ST14: variants seen among roughly 807,000 people sequenced by gnomAD.
ST14 encodes the protein ST14 transmembrane serine protease matriptase.
ST14 carries 40 observed loss-of-function variants against 96.5 expected under a neutral mutation model. The observed-to-expected ratio is 0.41, with a 90% confidence interval of 0.32 to 0.54. The LOEUF (loss-of-function observed/expected upper bound fraction) is 0.54, where lower values mean the gene tolerates loss of function less well. Ranked by LOEUF, ST14 falls within the 20% of genes least tolerant of loss-of-function variation. The pLI, the probability that ST14 is intolerant of heterozygous loss-of-function variation, is 0.17. For missense variants in ST14, 1,066 were observed against 1,188.9 expected (o/e 0.90, Z 1.52); for synonymous variants, 506 against 492.1 (o/e 1.03, Z -0.37).
At chr11:130,180,912 A>G (rs1334554093) in intron 1 of ST14, among the ~76,000 whole-genome samples, 1 of 152,156 alleles carries the variant, frequency 6.6e-6, no homozygotes, top group Non-Finnish European at 1.5e-5. Flanking sequence ...ACAATGAGAT[A>G]AGATGAAATA....
intron 1 of ST14, among the ~76,000 whole-genome samples, chr11:130,184,378 G>T (rs1004896209): frequency 2.0e-5 from 3 of 152,200 alleles, no homozygotes; most frequent in Non-Finnish European, 4.4e-5. Flanking sequence ...GGAGAGAAAA[G>T]ATGACAGCTA....
At position 130,194,136 on chromosome 11, in the gene ST14, T is replaced by A. The variant is rs756593619; in HGVS notation, c.876-13T>A. 47 of 1,614,144 alleles carry A rather than the reference T, an allele frequency of 2.9e-5. No homozygotes were observed. In the South Asian group the frequency reaches 5.1e-4, roughly 17 times the overall value. ...TGTCTGCTCTTCCTAATGCCCGCCCTCTGCCCCCACAGGTTGTGTGGCACC... is the reference window on the plus strand; with the variant it reads ...TGTCTGCTCTTCCTAATGCCCGCCCACTGCCCCCACAGGTTGTGTGGCACC... On this transcript the variant is annotated splice_polypyrimidine_tract_variant and intron_variant, in intron 7 of 18. Coordinates refer to ENST00000278742, the MANE Select transcript of ST14 (RefSeq NM_021978.4).
chr11:130,209,133 A>G (rs762377371), intron 17 of ST14, among the ~76,000 whole-genome samples: 1 of 152,158 alleles, frequency 6.6e-6, no homozygotes, highest in African/African-American at 2.4e-5. Flanking sequence ...TACAGCTCCA[A>G]TGCCCTCACA....
intron 8 of ST14, 149 bp from the exon 9 acceptor site, chr11:130,194,491 C>A: frequency 1.8e-6 from 2 of 1,120,468 alleles, no homozygotes; most frequent in Non-Finnish European, 2.6e-6. Context: ...GCTTCGGCAC[C>A]CGGCACCTGG....
intron 7 of ST14, 131 bp from the exon 8 acceptor site, chr11:130,194,018 C>T (rs1450249800): frequency 1.1e-4 from 129 of 1,174,544 alleles, no homozygotes; most frequent in Non-Finnish European, 4.7e-5. Context: ...TGACTCCATT[C>T]TTGGCCTCTG....
At chr11:130,170,640 A>C (rs1175916242) in intron 1 of ST14, among the ~76,000 whole-genome samples, 2 of 151,774 alleles carry the variant, frequency 1.3e-5, no homozygotes, top group Admixed American at 6.6e-5. Context: ...CCGAGCAGGC[A>C]GATGGGTTCC....
chr11:130,169,686 G>A (rs907896944), intron 1 of ST14, among the ~76,000 whole-genome samples: 3 of 152,154 alleles, frequency 2.0e-5, no homozygotes, highest in Non-Finnish European at 4.4e-5. Context: ...GTTTTATGAG[G>A]TGTGACTATT....
Position 130,188,736 on chromosome 11 carries a change from C to T in ST14, c.369+79C>T. On this transcript the variant is annotated intron_variant, in intron 3 of 18. Coordinates refer to ENST00000278742, the MANE Select transcript of ST14 (RefSeq NM_021978.4). This position sits in a 1 kb window ranked among gnomAD's most constrained non-coding sequence, Gnocchi z 5.4. The stretch of plus-strand genomic sequence containing the variant: ...TGCTGGGCAGGAGGGACATGCCTCG[C>T]CTGTGCTCCCAGGGCCCTGGGATGG... The T allele has an allele frequency of 5.6e-6, 9 of 1,611,812 alleles. No individual in the cohort carries two copies. The highest frequency in any genetic ancestry group is 7.6e-6 in the Non-Finnish European group (9 of 1,178,554).
chr11:130,205,078 A>G (rs1953472108), intron 16 of ST14, among the ~76,000 whole-genome samples: 1 of 152,148 alleles, frequency 6.6e-6, no homozygotes, highest in Non-Finnish European at 1.5e-5. Context: ...AAATTTTTCA[A>G]ACCTACAAAA....
chr11:130,180,049 G>T (rs1042494352), intron 1 of ST14, among the ~76,000 whole-genome samples: 1 of 152,192 alleles, frequency 6.6e-6, no homozygotes, highest in Non-Finnish European at 1.5e-5. Flanking sequence ...CCTGGTGGGG[G>T]TGATGACATC....
chr11:130,174,867 C>A (rs1565619334), intron 1 of ST14, among the ~76,000 whole-genome samples: 1 of 152,216 alleles, frequency 6.6e-6, no homozygotes, highest in Non-Finnish European at 1.5e-5. Flanking sequence ...CCAGCCCAGA[C>A]TTTTTTTGTC....
chr11:130,206,458 C>T (rs1330270025), intron 16 of ST14, among the ~76,000 whole-genome samples: 1 of 151,298 alleles, frequency 6.6e-6, no homozygotes, highest in Non-Finnish European at 1.5e-5. Flanking sequence ...GTGATTCTCA[C>T]ATTGTTGATT....
rs1234536138 is a variant in ST14 at position 130,187,349 on chromosome 11, AC to A, written c.82-762del. Reference sequence around the variant, plus strand: ...CGTATTCTGGCCCCTCATCATGGATACCCTTGGCAGGGAGGAACCCGGGGAA... The same window carrying A: ...CGTATTCTGGCCCCTCATCATGGATACCTTGGCAGGGAGGAACCCGGGGAA... On this transcript the variant is annotated intron_variant, in intron 1 of 18. Transcript: ENST00000278742. The surrounding 1 kb of genome is among the most constrained non-coding windows in gnomAD (Gnocchi z 4.5). Among the ~76,000 whole-genome samples, 1 of 152,016 alleles carries A rather than the reference AC, an allele frequency of 6.6e-6. No individual in the cohort carries two copies. The highest frequency in any genetic ancestry group is 1.5e-5 in the Non-Finnish European group (1 of 68,006).
Position 130,196,303 on chromosome 11 carries a change from G to A in ST14, c.1114-36G>A, listed in dbSNP as rs996832643. On this transcript the variant is annotated intron_variant, in intron 9 of 18. Transcript: ENST00000278742. ...TCCTCAGGTTCAGGGAGGAGGGAGG[G>A]GAACTGCACATTCCCAGCAGCCTCT... 2.6e-6 allele frequency: 4 copies of A among 1,519,032 alleles called. No individual in the cohort carries two copies. The South Asian group carries it at 3.6e-5, about 14-fold the overall frequency. The allele number at this position is 1,519,032 out of a possible 1,614,324, so 94.1% of individuals were successfully genotyped here.
chr11:130,172,330 T>C (rs1360637023), intron 1 of ST14, among the ~76,000 whole-genome samples: 1 of 151,078 alleles, frequency 6.6e-6, no homozygotes, highest in African/African-American at 2.4e-5. Context: ...TGTCTCAAAC[T>C]CCAGGGCTCA....
chr11:130,176,411 CAG>C (rs754400086), intron 1 of ST14, among the ~76,000 whole-genome samples: 4 of 150,496 alleles, frequency 2.7e-5, no homozygotes, highest in Non-Finnish European at 5.9e-5. Flanking sequence ...TTTTTTCAGA[CAG>C]AGTCTCGCTG....
Position 130,209,879 on chromosome 11 carries a change from T to C in ST14, c.*56T>C, listed in dbSNP as rs1180449179. On this transcript the variant is annotated 3_prime_UTR_variant, in exon 19 of 19. Coordinates refer to ENST00000278742, the MANE Select transcript of ST14 (RefSeq NM_021978.4). ...CGGGGCCACCCATCGTCCACCCCAG[T>C]GTGCACGCCTGCAGGCTGGAGACTG... The C allele has an allele frequency of 1.9e-6, 3 of 1,596,104 alleles. No homozygotes were observed. Among genetic ancestry groups the C allele is most frequent in the Non-Finnish European group, 2.6e-6 (3 of 1,172,208 alleles).
chr11:130,169,570 G>A (rs937504654), intron 1 of ST14, among the ~76,000 whole-genome samples: 2 of 152,164 alleles, frequency 1.3e-5, no homozygotes, highest in Non-Finnish European at 2.9e-5. Context: ...AGGGGACTAC[G>A]CTAGCGATGA....
intron 1 of ST14, 142 bp downstream of exon 1, chr11:130,160,202 G>A: frequency 1.8e-6 from 1 of 555,004 alleles, no homozygotes. Flanking sequence ...CCTGTTCAGC[G>A]GGTGCCGGGC....
Sources: gnomAD v4.1 joint callset for allele counts (sites outside exome capture counted in the v4.1 genomes callset) on GRCh38, gnomAD v4.1.1 for gene constraint, Gnocchi (gnomAD v3.1) non-coding constraint, MANE v1.5 for transcripts, NCBI Gene and HGNC (gene_info 2026-07-23, HGNC 2026-07-21) for gene names.